Variants in GULP1 observed in about 807,000 individuals in gnomAD.
GULP1 encodes the protein GULP PTB domain containing engulfment adaptor 1.
GULP1 carries 19 observed loss-of-function variants against 40.9 expected under a neutral mutation model. The observed-to-expected ratio is 0.46, with a 90% CI of 0.32 to 0.68. GULP1 has a LOEUF of 0.68. GULP1 is among the 30% of genes least tolerant of loss of function. The pLI, the probability that GULP1 is intolerant of heterozygous loss-of-function variation, is 0.03. For synonymous variants in GULP1, 119 were observed against 117.6 expected (o/e 1.01, Z -0.08); for missense variants, 312 against 362.2 (o/e 0.86, Z 1.12).
At chr2:188,320,593 G>A (rs142952096) in intron 1 of GULP1, among the ~76,000 whole-genome samples, 760 of 152,074 alleles carry the variant, frequency 5.0e-3, no homozygotes, top group Non-Finnish European at 7.9e-3. Flanking sequence ...GCAATGCAAT[G>A]CAACATATAA....
intron 2 of GULP1, among the ~76,000 whole-genome samples, chr2:188,444,044 T>C (rs528579991): frequency 6.6e-6 from 1 of 152,280 alleles, no homozygotes; most frequent in Admixed American, 6.5e-5. Context: ...CATGGCCAGT[T>C]CCTAGCGTCT....
intron 1 of GULP1, among the ~76,000 whole-genome samples, chr2:188,317,794 A>G (rs10931348): frequency 0.92 from 138,631 of 151,062 alleles, 63,712 homozygotes; most frequent in East Asian, 1. Context: ...TGAATTAGTG[A>G]GGTTTTTTTT....
intron 2 of GULP1, among the ~76,000 whole-genome samples, chr2:188,450,784 T>G (rs2058775997): frequency 6.6e-6 from 1 of 152,208 alleles, no homozygotes; most frequent in African/African-American, 2.4e-5. Flanking sequence ...TGCTCTTCTA[T>G]AGTTCAGTTT....
chr2:188,463,746 G>A (rs1305215138), intron 2 of GULP1, among the ~76,000 whole-genome samples: 2 of 151,228 alleles, frequency 1.3e-5, no homozygotes, highest in East Asian at 1.9e-4. Flanking sequence ...CTGTCTTCAA[G>A]CCCACTAATT....
chr2:188,300,085 T>G (rs1474760218), intron 1 of GULP1, among the ~76,000 whole-genome samples: 1 of 152,214 alleles, frequency 6.6e-6, no homozygotes, highest in Non-Finnish European at 1.5e-5. Context: ...CTTGTTTTTC[T>G]TTCTTTTTTT....
chr2:188,544,455 T>G (rs1219490057), intron 7 of GULP1, among the ~76,000 whole-genome samples: 1 of 151,756 alleles, frequency 6.6e-6, no homozygotes, highest in Non-Finnish European at 1.5e-5. Context: ...AGTTAATGGG[T>G]GCAGCACAAC....
intron 1 of GULP1, among the ~76,000 whole-genome samples, chr2:188,338,614 A>G (rs1388652081): frequency 6.6e-6 from 1 of 152,018 alleles, no homozygotes; most frequent in Non-Finnish European, 1.5e-5. Flanking sequence ...ACTTGGAGAA[A>G]TTTTTGATGT....
chr2:188,552,804 A>T (rs1459068676), intron 7 of GULP1, among the ~76,000 whole-genome samples: 1 of 151,206 alleles, frequency 6.6e-6, no homozygotes, highest in Non-Finnish European at 1.5e-5. Context: ...CAGTCAATAA[A>T]TAGTTCTCTC....
intron 7 of GULP1, among the ~76,000 whole-genome samples, chr2:188,560,678 C>T (rs1322190380): frequency 6.6e-6 from 1 of 152,156 alleles, no homozygotes; most frequent in Non-Finnish European, 1.5e-5. Context: ...GTTCACAATT[C>T]TACAGGCTGT....
intron 1 of GULP1, among the ~76,000 whole-genome samples, chr2:188,297,762 T>C (rs2035297799): frequency 6.6e-6 from 1 of 152,110 alleles, no homozygotes. Context: ...GTGATAACTA[T>C]TGTTCTCATT....
chr2:188,576,308 A>G (rs1008553618), intron 9 of GULP1, among the ~76,000 whole-genome samples: 10 of 152,092 alleles, frequency 6.6e-5, no homozygotes, highest in African/African-American at 2.2e-4. Flanking sequence ...AATATGCCCA[A>G]TATAACTTTG....
chr2:188,556,599 T>A (rs1230416493), intron 7 of GULP1, among the ~76,000 whole-genome samples: 2 of 152,202 alleles, frequency 1.3e-5, no homozygotes, highest in Admixed American at 6.5e-5. Flanking sequence ...TTATTATGTT[T>A]CTTTCAAGGT....
intron 2 of GULP1, among the ~76,000 whole-genome samples, chr2:188,430,863 A>G (rs1326477478): frequency 6.6e-6 from 1 of 152,218 alleles, no homozygotes; most frequent in African/African-American, 2.4e-5. Flanking sequence ...TAAGACTCCC[A>G]TACCCAGAAA....
At chr2:188,437,819 G>A (rs2057551553) in intron 2 of GULP1, among the ~76,000 whole-genome samples, 1 of 152,032 alleles carries the variant, frequency 6.6e-6, no homozygotes, top group South Asian at 2.1e-4. Flanking sequence ...AGCTAACTTA[G>A]GAACAGAAAA....
chr2:188,589,918 A>T, intron 11 of GULP1: 1 of 393,026 alleles, frequency 2.5e-6, no homozygotes, highest in South Asian at 7.2e-5. Flanking sequence ...TTTTAAGATT[A>T]TTTTTCAGTG....
At chr2:188,523,436 C>T (rs1293704024) in intron 5 of GULP1, among the ~76,000 whole-genome samples, 1 of 152,142 alleles carries the variant, frequency 6.6e-6, no homozygotes, top group Non-Finnish European at 1.5e-5. Context: ...TGCTACACAC[C>T]ATGTTTTTCT....
intron 7 of GULP1, among the ~76,000 whole-genome samples, chr2:188,554,924 T>A (rs1157135086): frequency 6.6e-6 from 1 of 152,138 alleles, no homozygotes; most frequent in African/African-American, 2.4e-5. Context: ...TTAGAACTGT[T>A]TTTGGCTTAA....
intron 5 of GULP1, among the ~76,000 whole-genome samples, chr2:188,527,492 C>T (rs965601795): frequency 6.6e-6 from 1 of 152,184 alleles, no homozygotes; most frequent in Admixed American, 6.5e-5. Context: ...GGAAAATAAA[C>T]AAAATTAATT....
At chr2:188,378,474 G>C (rs2048585722) in intron 1 of GULP1, among the ~76,000 whole-genome samples, 1 of 152,132 alleles carries the variant, frequency 6.6e-6, no homozygotes, top group African/African-American at 2.4e-5. Flanking sequence ...AGGAATACCT[G>C]AGGCTAGGTA....
Sources: allele counts gnomAD v4.1 joint callset (sites outside exome capture counted in the v4.1 genomes callset), GRCh38; gene constraint gnomAD v4.1.1; transcripts MANE v1.5; gene names NCBI Gene and HGNC (gene_info 2026-07-23, HGNC 2026-07-21).